Variants in SLX4IP observed in about 807,000 individuals in gnomAD.
SLX4IP encodes the protein SLX4 interacting protein, also known as protein SLX4IP.
Under a neutral mutation model 32.9 loss-of-function variants are expected in SLX4IP, and 34 were observed. That is an observed-to-expected ratio of 1.03 (90% confidence interval 0.79 to 1.38). The LOEUF is 1.38. SLX4IP is among the 40% of genes most tolerant of loss of function. SLX4IP has a pLI of 0.00. For missense variants in SLX4IP, 444 were observed against 479.0 expected, an observed-to-expected ratio of 0.93 and a Z score of 0.68; for synonymous variants, 172 against 171.7, an observed-to-expected ratio of 1.00 and a Z score of -0.01.
intron 2 of SLX4IP, among the ~76,000 whole-genome samples, chr20:10,460,301 C>A (rs2065325662): frequency 6.6e-6 from 1 of 152,154 alleles, no homozygotes; most frequent in Admixed American, 6.5e-5. Flanking sequence ...ATGCTTAAAT[C>A]CACCTTAAAA....
intron 6 of SLX4IP, among the ~76,000 whole-genome samples, chr20:10,617,796 A>C (rs1477200957): frequency 6.6e-6 from 1 of 151,572 alleles, no homozygotes; most frequent in Admixed American, 6.6e-5. Flanking sequence ...CTATAAGTGC[A>C]CACCACCACG....
intron 2 of SLX4IP, among the ~76,000 whole-genome samples, chr20:10,530,603 G>C (rs1325935950): frequency 2.0e-5 from 3 of 152,166 alleles, no homozygotes; most frequent in Admixed American, 6.5e-5. Context: ...AATCAGTTTT[G>C]ATTAAAATGG....
intron 1 of SLX4IP, among the ~76,000 whole-genome samples, chr20:10,435,767 C>T (rs2065106384): frequency 6.6e-6 from 1 of 152,202 alleles, no homozygotes; most frequent in Non-Finnish European, 1.5e-5. Context: ...AAATACCTCC[C>T]CCTTCCCAGA....
intron 2 of SLX4IP, among the ~76,000 whole-genome samples, chr20:10,487,556 G>C (rs1024652127): frequency 8.5e-5 from 13 of 152,186 alleles, no homozygotes; most frequent in Non-Finnish European, 1.3e-4. Flanking sequence ...CTCAGCCGAA[G>C]CACTGATGTT....
intron 2 of SLX4IP, among the ~76,000 whole-genome samples, chr20:10,500,453 G>C (rs2065708382): frequency 6.6e-6 from 1 of 152,018 alleles, no homozygotes; most frequent in Admixed American, 6.6e-5. Flanking sequence ...TTCTCTTCAT[G>C]TGTGGAAAAA....
At position 10,592,622 on chromosome 20, in the gene SLX4IP, CTTTTTTTTTTT is replaced by C. The variant is rs33995611; in HGVS notation, c.239-6033_239-6023del. On this transcript the variant is annotated intron_variant, in intron 4 of 7. Transcript: ENST00000334534. The stretch of plus-strand genomic sequence containing the variant: ...GCTTGAAAGCACACGTATTCTTCAT[CTTTTTTTTTTT>C]TTTTTTTTTTTTTTTTTTTGAGATG... 1.6e-3 allele frequency among the ~76,000 whole-genome samples: 87 copies of C among 55,170 alleles called. 2 individuals are homozygous for C. Among genetic ancestry groups the C allele is most frequent in the South Asian group, 9.3e-3 (10 of 1,070 alleles). The allele number at this position is 55,170 out of a possible 152,430, so 36.2% of individuals were successfully genotyped here.
chr20:10,518,123 C>A (rs2065865343), intron 2 of SLX4IP, among the ~76,000 whole-genome samples: 1 of 152,154 alleles, frequency 6.6e-6, no homozygotes, highest in South Asian at 2.1e-4. Flanking sequence ...CACACGCTTA[C>A]CTACGTAACA....
At position 10,443,247 on chromosome 20, in the gene SLX4IP, C is replaced by A. The variant is rs534342550; in HGVS notation, c.-30+7794C>A. ...AAAAAACAAAAACAAAAACAAAAAA[C>A]CACATTCTGATTTAGTAACATCAAT... On this transcript the variant is annotated intron_variant, in intron 1 of 7. Transcript: ENST00000334534. Among the ~76,000 whole-genome samples the A allele has an allele frequency of 7.2e-5, 11 of 152,070 alleles. No homozygotes were observed. In the East Asian group the frequency reaches 1.4e-3, roughly 19 times the overall value.
intron 6 of SLX4IP, among the ~76,000 whole-genome samples, chr20:10,603,740 A>G (rs1770077232): frequency 6.6e-6 from 1 of 152,142 alleles, no homozygotes. Context: ...CCCTCTGCCT[A>G]GCCTGCTCAC....
At chr20:10,604,934 A>G (rs548260406) in intron 6 of SLX4IP, among the ~76,000 whole-genome samples, 2 of 152,112 alleles carry the variant, frequency 1.3e-5, no homozygotes, top group East Asian at 3.9e-4. Context: ...TTTTACCTTT[A>G]TTTGGTTTGT....
chr20:10,493,039 A>G (rs1297336021), intron 2 of SLX4IP, among the ~76,000 whole-genome samples: 1 of 152,126 alleles, frequency 6.6e-6, no homozygotes, highest in African/African-American at 2.4e-5. Flanking sequence ...CCTGGCCTCA[A>G]GCAGTCCTCC....
chr20:10,492,320 A>G (rs2065630560), intron 2 of SLX4IP, among the ~76,000 whole-genome samples: 1 of 152,176 alleles, frequency 6.6e-6, no homozygotes, highest in East Asian at 1.9e-4. Flanking sequence ...ATTACTCTCC[A>G]CAGTAGTTGC....
chr20:10,620,597 A>G (rs1440593162), intron 6 of SLX4IP, among the ~76,000 whole-genome samples: 1 of 151,992 alleles, frequency 6.6e-6, no homozygotes, highest in Non-Finnish European at 1.5e-5. Flanking sequence ...TCTGTTGCCC[A>G]GGCTGGAGTG....
intron 2 of SLX4IP, among the ~76,000 whole-genome samples, chr20:10,553,821 AAC>A (rs777208677): frequency 5.8e-4 from 89 of 152,338 alleles, no homozygotes; most frequent in Non-Finnish European, 1.1e-3. Context: ...ACTAAACTGT[AAC>A]ACACTAAAGT....
chr20:10,518,465 T>C (rs2065873241), intron 2 of SLX4IP, among the ~76,000 whole-genome samples: 8 of 45,742 alleles, frequency 1.7e-4, no homozygotes, highest in South Asian at 1.4e-3. Context: ...CTTCCTTCCT[T>C]TCCTTTCTTT....
At chr20:10,572,825 T>C (rs1568748340) in intron 4 of SLX4IP, among the ~76,000 whole-genome samples, 1 of 152,172 alleles carries the variant, frequency 6.6e-6, no homozygotes, top group African/African-American at 2.4e-5. Flanking sequence ...CCGAGGTATC[T>C]TTGGTGAACA....
chr20:10,510,525 G>A (rs1005351011), intron 2 of SLX4IP, among the ~76,000 whole-genome samples: 3 of 152,188 alleles, frequency 2.0e-5, no homozygotes, highest in African/African-American at 7.2e-5. Context: ...GATAGAGCAA[G>A]CTGCAGTGAA....
intron 2 of SLX4IP, among the ~76,000 whole-genome samples, chr20:10,544,568 G>A (rs537544806): frequency 9.2e-5 from 14 of 152,262 alleles, no homozygotes; most frequent in Middle Eastern, 3.4e-3. Context: ...TGTATTTTTA[G>A]TAGAGATGGG....
intron 6 of SLX4IP, among the ~76,000 whole-genome samples, chr20:10,619,602 A>G (rs2067083594): frequency 6.6e-6 from 1 of 152,176 alleles, no homozygotes; most frequent in Admixed American, 6.5e-5. Flanking sequence ...GGGAATTTAC[A>G]TCATTCCTAA....
Sources: allele counts gnomAD v4.1 joint callset (sites outside exome capture counted in the v4.1 genomes callset), GRCh38; gene constraint gnomAD v4.1.1; transcripts MANE v1.5; gene names NCBI Gene and HGNC (gene_info 2026-07-23, HGNC 2026-07-21).